The following RABGAP1L variants were observed in gnomAD, a reference collection of about 807,000 sequenced individuals.
The protein encoded by RABGAP1L is rab GTPase-activating protein 1-like.
RABGAP1L carries 63 observed loss-of-function variants against 137.7 expected under a neutral mutation model. The observed-to-expected ratio is 0.46, with a 90% CI of 0.37 to 0.56. The LOEUF (loss-of-function observed/expected upper bound fraction) is 0.56. RABGAP1L is among the 20% of genes least tolerant of loss of function. RABGAP1L has a pLI of 0.00. For missense variants in RABGAP1L, 1,095 were observed against 1,244.0 expected (o/e 0.88, Z 1.80); for synonymous variants, 431 against 433.7 (o/e 0.99, Z 0.08).
chr1:174,270,244 C>G (rs577006150), intron 7 of RABGAP1L, among the ~76,000 whole-genome samples: 2 of 150,386 alleles, frequency 1.3e-5, no homozygotes, highest in South Asian at 4.2e-4. Flanking sequence ...TAAAGATTAT[C>G]AAAATAAGGT....
At chr1:174,223,264 TA>T (rs550034492) in intron 3 of RABGAP1L, among the ~76,000 whole-genome samples, 3 of 39,900 alleles carry the variant, frequency 7.5e-5, no homozygotes, top group South Asian at 5.5e-3. Context: ...AGACTCTGTC[TA>T]AAAAAAAAAA....
At chr1:174,329,924 A>C (rs1388029624) in intron 11 of RABGAP1L, among the ~76,000 whole-genome samples, 1 of 149,596 alleles carries the variant, frequency 6.7e-6, no homozygotes, top group African/African-American at 2.5e-5. Context: ...ACTGATTTGA[A>C]TAATAATAAA....
At chr1:174,818,171 C>T (rs911106975) in intron 19 of RABGAP1L, among the ~76,000 whole-genome samples, 2 of 152,014 alleles carry the variant, frequency 1.3e-5, no homozygotes, top group African/African-American at 2.4e-5. Flanking sequence ...ATTCTTATAG[C>T]GGAGTATATA....
intron 1 of RABGAP1L, among the ~76,000 whole-genome samples, chr1:174,178,465 A>G (rs4650959): frequency 0.29 from 44,752 of 152,078 alleles, 7,015 homozygotes; most frequent in African/African-American, 0.37. Flanking sequence ...CATTTGACCC[A>G]GCAATCTCAT....
At chr1:174,390,928 T>C (rs1687168452) in intron 12 of RABGAP1L, among the ~76,000 whole-genome samples, 1 of 152,052 alleles carries the variant, frequency 6.6e-6, no homozygotes, top group Non-Finnish European at 1.5e-5. Flanking sequence ...TAGGTGATAA[T>C]GCCTAGAGAC....
intron 18 of RABGAP1L, among the ~76,000 whole-genome samples, chr1:174,762,436 C>T (rs1385492708): frequency 6.6e-6 from 1 of 152,214 alleles, no homozygotes; most frequent in Non-Finnish European, 1.5e-5. Context: ...AAGCTAATTT[C>T]CATTTAGCTT....
intron 13 of RABGAP1L, among the ~76,000 whole-genome samples, chr1:174,517,814 G>T (rs932971655): frequency 1.3e-5 from 2 of 152,050 alleles, no homozygotes; most frequent in African/African-American, 4.8e-5. Flanking sequence ...TGTTTTGGTT[G>T]TTATTTTGCA....
intron 17 of RABGAP1L, among the ~76,000 whole-genome samples, chr1:174,704,550 A>G (rs1277386804): frequency 1.3e-5 from 2 of 152,238 alleles, no homozygotes; most frequent in Admixed American, 1.3e-4. Context: ...ACTTTGATAA[A>G]GAAGGGTTCA....
intron 17 of RABGAP1L, among the ~76,000 whole-genome samples, chr1:174,713,810 A>G (rs1680778604): frequency 6.6e-6 from 1 of 152,212 alleles, no homozygotes. Context: ...CTACCTCCAA[A>G]ATAGGTCTTG....
chr1:174,527,488 G>C (rs552023127), intron 13 of RABGAP1L, among the ~76,000 whole-genome samples: 3 of 152,172 alleles, frequency 2.0e-5, no homozygotes, highest in African/African-American at 7.2e-5. Context: ...TTACAGGCGT[G>C]AGCTACCATG....
rs1270983664 is a variant in RABGAP1L, at chr1:174,595,957, G to A, written c.1711-41418G>A. The stretch of plus-strand genomic sequence containing the variant: ...TGGCGGGCGCCCCTCCCCCAGCCTC[G>A]TTGCCGCCTTGCAGTTTGATCTCAG... On this transcript the variant is annotated intron_variant, in intron 13 of 25. Coordinates refer to ENST00000681986, the MANE Select transcript of RABGAP1L (RefSeq NM_001366446.1). Among the ~76,000 whole-genome samples, 73 of 102,644 alleles carry A rather than the reference G, an allele frequency of 7.1e-4. 1 individual carries two copies. Among genetic ancestry groups the A allele is most frequent in the Non-Finnish European group, 1.1e-3 (58 of 55,138 alleles). 67.3% of individuals were successfully genotyped at this position (102,644 alleles called of 152,430 possible). A position where few individuals can be genotyped will look rare whatever the true frequency, so the allele number is the denominator to read the frequency against.
At chr1:174,956,809 C>T (rs982345112) in intron 19 of RABGAP1L, among the ~76,000 whole-genome samples, 5 of 151,582 alleles carry the variant, frequency 3.3e-5, no homozygotes, top group African/African-American at 7.3e-5. Context: ...CACCATGCCC[C>T]GCTAATTTTT....
intron 13 of RABGAP1L, among the ~76,000 whole-genome samples, chr1:174,399,210 A>C (rs1246655174): frequency 6.6e-6 from 1 of 152,172 alleles, no homozygotes; most frequent in East Asian, 1.9e-4. Context: ...TTTTCTAAAA[A>C]TGATTTTTTC....
chr1:174,822,970 T>C (rs1691197987), intron 19 of RABGAP1L, among the ~76,000 whole-genome samples: 1 of 152,182 alleles, frequency 6.6e-6, no homozygotes, highest in South Asian at 2.1e-4. Flanking sequence ...GATATAAAAA[T>C]TGATTTATAT....
intron 19 of RABGAP1L, among the ~76,000 whole-genome samples, chr1:174,855,774 T>C (rs1649190152): frequency 6.6e-6 from 1 of 152,210 alleles, no homozygotes; most frequent in African/African-American, 2.4e-5. Flanking sequence ...TTTGTGTGTG[T>C]GGAGAATGTG....
chr1:174,278,570 G>T, intron 9 of RABGAP1L, 43 bp from the exon 10 acceptor site: 5 of 1,501,560 alleles, frequency 3.3e-6, no homozygotes, highest in Non-Finnish European at 4.6e-6. Flanking sequence ...AGTAGACAAG[G>T]AATAATAAAG....
intron 13 of RABGAP1L, among the ~76,000 whole-genome samples, chr1:174,421,362 A>C (rs1438754201): frequency 6.6e-6 from 1 of 152,134 alleles, no homozygotes; most frequent in African/African-American, 2.4e-5. Context: ...GTTTTTTTAC[A>C]CACTCCTTCC....
At chr1:174,854,170 G>T (rs1180996442) in intron 19 of RABGAP1L, among the ~76,000 whole-genome samples, 1 of 152,144 alleles carries the variant, frequency 6.6e-6, no homozygotes, top group African/African-American at 2.4e-5. Context: ...CAAATAGGTG[G>T]TATAATAAGC....
intron 7 of RABGAP1L, among the ~76,000 whole-genome samples, chr1:174,268,223 G>A (rs1360117324): frequency 1.4e-5 from 2 of 146,652 alleles, no homozygotes; most frequent in Admixed American, 6.8e-5. Flanking sequence ...TTTTTGAGAC[G>A]GAGTCTTGCT....
Sources: gnomAD v4.1 joint callset for allele counts (sites outside exome capture counted in the v4.1 genomes callset) on GRCh38, gnomAD v4.1.1 for gene constraint, MANE v1.5 for transcripts, NCBI Gene and HGNC (gene_info 2026-07-23, HGNC 2026-07-21) for gene names.